The following ZFHX3 variants were observed in gnomAD, a reference collection of about 807,000 sequenced individuals.
The protein encoded by ZFHX3 is zinc finger homeobox protein 3.
ZFHX3 carries 42 observed loss-of-function variants against 279.1 expected under a neutral mutation model. The observed-to-expected ratio is 0.15, with a 90% CI of 0.12 to 0.19. The LOEUF is 0.19. ZFHX3 is among the 10% of genes least tolerant of loss of function. ZFHX3 has a pLI of 1.00. For synonymous variants in ZFHX3, 2,293 were observed against 1,957.8 expected (o/e 1.17, Z -4.52); for missense variants, 4,981 against 4,754.0 (o/e 1.05, Z -1.40).
intron 1 of ZFHX3, among the ~76,000 whole-genome samples, chr16:73,688,974 A>G (rs1036882435): frequency 3.3e-5 from 5 of 152,146 alleles, no homozygotes; most frequent in African/African-American, 4.8e-5. Flanking sequence ...TGAGTCCATT[A>G]AGCCTCTTTC....
chr16:72,996,915 C>G (rs1197102733), intron 1 of ZFHX3, among the ~76,000 whole-genome samples: 2 of 152,186 alleles, frequency 1.3e-5, no homozygotes, highest in East Asian at 1.9e-4. Context: ...CTACTGACAA[C>G]TGGTATGGTC....
intron 2 of ZFHX3, among the ~76,000 whole-genome samples, chr16:73,489,583 T>C (rs1049553012): frequency 2.0e-5 from 3 of 152,246 alleles, no homozygotes; most frequent in Non-Finnish European, 4.4e-5. Flanking sequence ...GCAATTTGTT[T>C]TTCCTATAAC....
intron 2 of ZFHX3, among the ~76,000 whole-genome samples, chr16:73,603,085 A>G (rs2052138883): frequency 6.6e-6 from 1 of 152,052 alleles, no homozygotes; most frequent in East Asian, 1.9e-4. Context: ...GGAGATAGAG[A>G]CCATCCTGGC....
chr16:73,841,662 A>G (rs955092548), intron 1 of ZFHX3, among the ~76,000 whole-genome samples: 1 of 152,140 alleles, frequency 6.6e-6, no homozygotes, highest in South Asian at 2.1e-4. Flanking sequence ...CCCATCCGGG[A>G]GCTCTCTTGG....
chr16:73,394,964 C>T (rs1015586968), intron 3 of ZFHX3, among the ~76,000 whole-genome samples: 2 of 152,188 alleles, frequency 1.3e-5, no homozygotes, highest in African/African-American at 4.8e-5. Flanking sequence ...CAGCTGTCAT[C>T]CCAAAGACCA....
At chr16:73,337,542 T>A (rs555696128) in intron 3 of ZFHX3, among the ~76,000 whole-genome samples, 1 of 152,230 alleles carries the variant, frequency 6.6e-6, no homozygotes, top group South Asian at 2.1e-4. Flanking sequence ...ATCGCAGCCA[T>A]TGATCACCTT....
chr16:72,989,471 CTG>C (rs1462141186), intron 1 of ZFHX3, among the ~76,000 whole-genome samples: 1 of 149,034 alleles, frequency 6.7e-6, no homozygotes, highest in African/African-American at 2.5e-5. Flanking sequence ...GACAGACACT[CTG>C]TCTCAAAAAA....
Position 72,787,333 on chromosome 16 carries a change from G to A in ZFHX3, c.10943C>T (p.Thr3648Ile). 6.2e-7 allele frequency: 1 copy of A among 1,613,968 alleles called. No individual in the cohort carries two copies. The highest frequency in any genetic ancestry group is 1.1e-5 in the South Asian group (1 of 91,066). Residue 3648 changes from threonine (T) to isoleucine (I), a missense_variant, in exon 10 of 10, where the codon ACC becomes ATC. Coordinates refer to ENST00000268489, the MANE Select transcript of ZFHX3 (RefSeq NM_006885.4). Reference sequence around the variant, plus strand: ...TGGCATCGAGGGCTGAACCCCTGAGGTGCTGCATGAACTTGAGGTAACCGT... The same window carrying A: ...TGGCATCGAGGGCTGAACCCCTGAGATGCTGCATGAACTTGAGGTAACCGT... ...SSTVTSSSCS[T>I]SGVQPSMPTD...
intron 3 of ZFHX3, among the ~76,000 whole-genome samples, chr16:73,410,456 C>T (rs1024554319): frequency 1.4e-4 from 22 of 152,022 alleles, no homozygotes; most frequent in Admixed American, 7.2e-4. Context: ...TACAAGAGTA[C>T]GATTGAATTG....
chr16:73,056,378 TA>T (rs547963966), intron 1 of ZFHX3, among the ~76,000 whole-genome samples: 3 of 147,842 alleles, frequency 2.0e-5, no homozygotes, highest in Non-Finnish European at 3.0e-5. Context: ...CTGCACTAGT[TA>T]AAAAAAAAAC....
At chr16:72,981,874 TTCC>T (rs1962613832) in intron 1 of ZFHX3, among the ~76,000 whole-genome samples, 2 of 140,686 alleles carry the variant, frequency 1.4e-5, no homozygotes, top group South Asian at 4.7e-4. Context: ...TTTACACATT[TTCC>T]TTTTTTTTTT....
chr16:72,996,884 T>G (rs1303866752), intron 1 of ZFHX3, among the ~76,000 whole-genome samples: 1 of 152,234 alleles, frequency 6.6e-6, no homozygotes, highest in Non-Finnish European at 1.5e-5. Flanking sequence ...CAGCCTCGTT[T>G]TGCTAGCCCT....
intron 4 of ZFHX3, among the ~76,000 whole-genome samples, chr16:73,309,496 A>G (rs2015272772): frequency 2.0e-5 from 3 of 152,212 alleles, no homozygotes; most frequent in Non-Finnish European, 4.4e-5. Flanking sequence ...CTGCAAGGAA[A>G]CTAGTCCACA....
intron 1 of ZFHX3, among the ~76,000 whole-genome samples, chr16:73,757,837 G>A (rs1001414389): frequency 6.6e-6 from 1 of 152,160 alleles, no homozygotes; most frequent in African/African-American, 2.4e-5. Flanking sequence ...TGTCCAAGAA[G>A]CCCAGGAAAC....
chr16:73,857,121 A>G (rs575429478), intron 1 of ZFHX3, among the ~76,000 whole-genome samples: 1 of 152,366 alleles, frequency 6.6e-6, no homozygotes, highest in East Asian at 1.9e-4. Context: ...CTCAGGAAGC[A>G]AATTAGAAAC....
intron 3 of ZFHX3, among the ~76,000 whole-genome samples, chr16:72,905,486 C>G (rs1215735521): frequency 6.6e-6 from 1 of 152,104 alleles, no homozygotes; most frequent in Non-Finnish European, 1.5e-5. Flanking sequence ...TGCTCCTTTA[C>G]TATTAAACTG....
intron 2 of ZFHX3, among the ~76,000 whole-genome samples, chr16:73,591,380 A>C (rs1160109428): frequency 4.1e-5 from 6 of 147,362 alleles, no homozygotes; most frequent in African/African-American, 1.5e-4. Flanking sequence ...AAACAAACAA[A>C]CAAACAAAAA....
At chr16:73,586,825 TA>T (rs2051932096) in intron 2 of ZFHX3, among the ~76,000 whole-genome samples, 1 of 152,194 alleles carries the variant, frequency 6.6e-6, no homozygotes, top group Non-Finnish European at 1.5e-5. Context: ...TTAGATGACT[TA>T]AAAATTGTCT....
At chr16:73,708,800 A>C (rs1234725977) in intron 1 of ZFHX3, among the ~76,000 whole-genome samples, 1 of 152,156 alleles carries the variant, frequency 6.6e-6, no homozygotes, top group Admixed American at 6.6e-5. Flanking sequence ...AGGGGACAGG[A>C]GCGGGGGATG....
Sources: gnomAD v4.1 joint callset for allele counts (sites outside exome capture counted in the v4.1 genomes callset) on GRCh38, gnomAD v4.1.1 for gene constraint, MANE v1.5 for transcripts, NCBI Gene and HGNC (gene_info 2026-07-23, HGNC 2026-07-21) for gene names.